ACVR1C: variants seen among roughly 807,000 people sequenced by gnomAD.
ACVR1C encodes the protein activin A receptor type 1C.
A neutral mutation model predicts 57.9 loss-of-function variants in ACVR1C; 23 were observed. That is an observed-to-expected ratio of 0.40 (90% CI 0.29 to 0.56). The LOEUF is 0.56. Among genes scored for constraint, ACVR1C ranks in the 20% least tolerant of loss-of-function variants. The pLI, the probability that ACVR1C is intolerant of heterozygous loss-of-function variation, is 0.50. For missense variants in ACVR1C, 480 were observed against 607.9 expected, an observed-to-expected ratio of 0.79 and a Z score of 2.21; for synonymous variants, 214 against 215.3, an observed-to-expected ratio of 0.99 and a Z score of 0.05.
intron 2 of ACVR1C, among the ~76,000 whole-genome samples, chr2:157,585,311 T>C (rs1688892552): frequency 6.6e-6 from 1 of 152,132 alleles, no homozygotes; most frequent in African/African-American, 2.4e-5. Flanking sequence ...TGTAAATAAA[T>C]AAATAAATAA....
intron 6 of ACVR1C, 138 bp downstream of exon 6, chr2:157,542,568 T>C: frequency 2.0e-6 from 2 of 1,008,032 alleles, no homozygotes; most frequent in Non-Finnish European, 2.9e-6. Context: ...AACTTCTCAG[T>C]GACCCAGAGA....
chr2:157,597,829 G>T (rs548933052), intron 1 of ACVR1C, among the ~76,000 whole-genome samples: 1 of 152,232 alleles, frequency 6.6e-6, no homozygotes, highest in African/African-American at 2.4e-5. Context: ...GGAAATAGTG[G>T]CCCTCCACTC....
At chr2:157,562,278 A>T (rs1688252104) in intron 2 of ACVR1C, among the ~76,000 whole-genome samples, 1 of 140,518 alleles carries the variant, frequency 7.1e-6, no homozygotes, top group Admixed American at 7.4e-5. Flanking sequence ...CTAATGACAG[A>T]GCAAGACACC....
intron 1 of ACVR1C, among the ~76,000 whole-genome samples, chr2:157,609,529 T>G (rs1189293556): frequency 6.6e-6 from 1 of 152,014 alleles, no homozygotes; most frequent in African/African-American, 2.4e-5. Flanking sequence ...TTTGTTCATT[T>G]TCTGTCTAGA....
chr2:157,624,305 T>C (rs1682851389), intron 1 of ACVR1C, among the ~76,000 whole-genome samples: 1 of 152,188 alleles, frequency 6.6e-6, no homozygotes, highest in South Asian at 2.1e-4. Context: ...AGCAGCCTCC[T>C]TATTCCTGCC....
chr2:157,565,421 C>T (rs1688345592), intron 2 of ACVR1C, among the ~76,000 whole-genome samples: 1 of 152,112 alleles, frequency 6.6e-6, no homozygotes, highest in Admixed American at 6.6e-5. Context: ...TAAATTTCAC[C>T]AAGAATCATC....
chr2:157,545,937 G>C (rs1174728881), intron 4 of ACVR1C, among the ~76,000 whole-genome samples: 1 of 152,060 alleles, frequency 6.6e-6, no homozygotes, highest in Non-Finnish European at 1.5e-5. Flanking sequence ...ACCAAGCCCA[G>C]CTAATTTTTT....
At chr2:157,549,567 G>C (rs1687860098) in intron 4 of ACVR1C, among the ~76,000 whole-genome samples, 1 of 152,032 alleles carries the variant, frequency 6.6e-6, no homozygotes, top group Non-Finnish European at 1.5e-5. Flanking sequence ...CACCGCCCTG[G>C]CTATCTGGAC....
intron 2 of ACVR1C, among the ~76,000 whole-genome samples, chr2:157,566,631 C>A (rs1460635374): frequency 6.6e-6 from 1 of 151,950 alleles, no homozygotes; most frequent in African/African-American, 2.4e-5. Context: ...TCACTCCCAC[C>A]CGAATATTGC....
intron 1 of ACVR1C, among the ~76,000 whole-genome samples, chr2:157,596,840 G>C (rs1353588482): frequency 6.6e-6 from 1 of 152,132 alleles, no homozygotes; most frequent in Non-Finnish European, 1.5e-5. Flanking sequence ...GGCAGGGAGG[G>C]AGGGAGAGAG....
chr2:157,562,151 C>T (rs1335491184), intron 2 of ACVR1C, among the ~76,000 whole-genome samples: 1 of 151,836 alleles, frequency 6.6e-6, no homozygotes, highest in Non-Finnish European at 1.5e-5. Context: ...AAAAAATTAG[C>T]CGGGCATGGT....
rs909975439 is a variant in ACVR1C at position 157,528,365 on chromosome 2, G to A, written c.*5553C>T. On this transcript the variant is annotated 3_prime_UTR_variant, in exon 9 of 9. Coordinates refer to ENST00000243349, the MANE Select transcript of ACVR1C (RefSeq NM_145259.3). ...AAACTCTTGCAGTTAAAACTGTTAGGTCTGGAGAGAAAAATTTCTTTTAGG... is the reference window on the plus strand; with the variant it reads ...AAACTCTTGCAGTTAAAACTGTTAGATCTGGAGAGAAAAATTTCTTTTAGG... The A allele has an allele frequency of 6.6e-6, 1 of 152,104 alleles. No individual in the cohort carries two copies. The allele number at this position is 152,104 out of a possible 1,614,324, so 9.4% of individuals were successfully genotyped here.
At chr2:157,591,894 T>C (rs571915720) in intron 1 of ACVR1C, among the ~76,000 whole-genome samples, 1 of 152,048 alleles carries the variant, frequency 6.6e-6, no homozygotes, top group East Asian at 1.9e-4. Flanking sequence ...TACGTAACAG[T>C]CTCTGGACTA....
chr2:157,617,433 A>G (rs1484938849), intron 1 of ACVR1C, among the ~76,000 whole-genome samples: 1 of 152,068 alleles, frequency 6.6e-6, no homozygotes, highest in African/African-American at 2.4e-5. Context: ...AATACACCCA[A>G]CAGCCAAAAC....
Position 157,527,633 on chromosome 2 carries a change from G to C in ACVR1C, c.*6285C>G, listed in dbSNP as rs1259229635. 6.6e-6 allele frequency: 1 copy of C among 152,132 alleles called. No homozygotes were observed. Among genetic ancestry groups the C allele is most frequent in the African/African-American group, 2.4e-5 (1 of 41,420 alleles). The allele number at this position is 152,132 out of a possible 1,614,324, so 9.4% of individuals were successfully genotyped here. On this transcript the variant is annotated 3_prime_UTR_variant, in exon 9 of 9. Coordinates refer to ENST00000243349, the MANE Select transcript of ACVR1C (RefSeq NM_145259.3). The stretch of plus-strand genomic sequence containing the variant: ...AATCTTCTCCAGTCTAGAATCAGAA[G>C]AGTACATGAGCTTGACACTAGTCAT...
At chr2:157,574,840 G>A (rs1009954801) in intron 2 of ACVR1C, among the ~76,000 whole-genome samples, 3 of 152,176 alleles carry the variant, frequency 2.0e-5, no homozygotes, top group African/African-American at 7.2e-5. Context: ...CAGCTCCCTT[G>A]TTGCTGTCCT....
chr2:157,568,481 G>GAC (rs1162428486), intron 2 of ACVR1C, among the ~76,000 whole-genome samples: 1 of 58,866 alleles, frequency 1.7e-5, no homozygotes, highest in African/African-American at 6.8e-5. Flanking sequence ...CACATGCAGA[G>GAC]ACACACATAG....
intron 2 of ACVR1C, among the ~76,000 whole-genome samples, chr2:157,563,380 A>G (rs1688288242): frequency 6.6e-6 from 1 of 152,204 alleles, no homozygotes; most frequent in African/African-American, 2.4e-5. Context: ...TGCTACAGAG[A>G]GAATAAAATA....
intron 4 of ACVR1C, 103 bp downstream of exon 4, chr2:157,550,058 AT>A: frequency 1.1e-6 from 1 of 933,110 alleles, no homozygotes; most frequent in Non-Finnish European, 1.6e-6. Context: ...GAAGAGGTGA[AT>A]TTATTTTTTC....
Sources: gnomAD v4.1 joint callset for allele counts (sites outside exome capture counted in the v4.1 genomes callset) on GRCh38, gnomAD v4.1.1 for gene constraint, MANE v1.5 for transcripts, NCBI Gene and HGNC (gene_info 2026-07-23, HGNC 2026-07-21) for gene names.